Variants in SLCO1C1 observed in about 807,000 individuals in gnomAD.
SLCO1C1 encodes solute carrier organic anion transporter family member 1C1, also known as OAT-RP-5.
A neutral mutation model predicts 76.4 loss-of-function variants in SLCO1C1; 70 were observed. The observed-to-expected ratio is 0.92, with a 90% CI of 0.76 to 1.12. The LOEUF (loss-of-function observed/expected upper bound fraction) is 1.12. Among genes scored for constraint, SLCO1C1 ranks in the 50% most tolerant of loss-of-function variants. The pLI, the probability that SLCO1C1 is intolerant of heterozygous loss-of-function variation, is 0.00. For synonymous variants in SLCO1C1, 306 were observed against 286.1 expected (o/e 1.07, Z -0.70); for missense variants, 912 against 823.8 (o/e 1.11, Z -1.31).
intron 3 of SLCO1C1, among the ~76,000 whole-genome samples, chr12:20,704,704 A>ATT (rs1946692653): frequency 7.4e-6 from 1 of 135,500 alleles, no homozygotes; most frequent in Non-Finnish European, 1.6e-5. Flanking sequence ...GTGCGTGAAC[A>ATT]GTAGTAAATT....
chr12:20,738,842 C>T lies in SLCO1C1; in HGVS notation c.1549-1342C>T, dbSNP rs370737720. Among the ~76,000 whole-genome samples, 10 of 152,128 alleles carry T rather than the reference C, an allele frequency of 6.6e-5. No individual in the cohort carries two copies. The East Asian group carries it at 1.5e-3, about 24-fold the overall frequency. On this transcript the variant is annotated intron_variant, in intron 11 of 14. Coordinates refer to ENST00000266509, the MANE Select transcript of SLCO1C1 (RefSeq NM_017435.5). ...ATGTGAGAACTGAGGCACTGAGATA[C>T]AAAGGACTTGCTTAACTCATTTATC...
At position 20,723,266 on chromosome 12, in the gene SLCO1C1, T is replaced by G. The variant is rs758345791; in HGVS notation, c.1186+12T>G. 1 of 1,611,636 alleles carries G rather than the reference T, an allele frequency of 6.2e-7. No homozygotes were observed. The highest frequency in any genetic ancestry group is 8.5e-7 in the Non-Finnish European group (1 of 1,179,280). On this transcript the variant is annotated intron_variant, in intron 9 of 14. Transcript: ENST00000266509. ...CAACTTTGTGATCGGTATGCTCATC[T>G]GCCTTTCATGCTTTCTCAGAGGGAC...
chr12:20,738,706 C>T lies in SLCO1C1; in HGVS notation c.1548+1434C>T, dbSNP rs549825256. Among the ~76,000 whole-genome samples, 50 of 152,112 alleles carry T rather than the reference C, an allele frequency of 3.3e-4. 1 individual carries two copies. The highest frequency in any genetic ancestry group is 4.7e-4 in the Non-Finnish European group (32 of 68,010). On this transcript the variant is annotated intron_variant, in intron 11 of 14. Transcript: ENST00000266509. Reference sequence around the variant, plus strand: ...AAGGTTTTTTTGTAATGAGAGCTACCATTTATAAAAGACATTACAAGGAAA... The same window carrying T: ...AAGGTTTTTTTGTAATGAGAGCTACTATTTATAAAAGACATTACAAGGAAA...
rs1949261779 is a variant in SLCO1C1 at position 20,750,711 on chromosome 12, T to C, written c.1835T>C (p.Ile612Thr). Residue 612 changes from isoleucine to threonine, a missense_variant, in exon 14 of 15, where the codon ATT (isoleucine) becomes ACT (threonine). Ile to Thr is a moderately conservative substitution (Grantham distance 89, BLOSUM62 -1). Transcript: ENST00000266509. ...IPAPVYFGVL[I>T]DTSCLKWGFK... ...GCTCCAGTGTATTTTGGAGTTTTGA[T>C]TGATACTTCATGCCTCAAATGGGGA... 2 of 1,613,950 alleles carry C rather than the reference T, an allele frequency of 1.2e-6. No individual in the cohort carries two copies. Among genetic ancestry groups the C allele is most frequent in the African/African-American group, 1.3e-5 (1 of 74,926 alleles).
intron 10 of SLCO1C1, among the ~76,000 whole-genome samples, chr12:20,733,952 T>C (rs11612043): frequency 0.088 from 13,429 of 152,232 alleles, 764 homozygotes; most frequent in Non-Finnish European, 0.13. Flanking sequence ...CACCTATATA[T>C]GCATTATTTG....
At chr12:20,707,118 C>T (rs188474257) in intron 4 of SLCO1C1, among the ~76,000 whole-genome samples, 16 of 152,040 alleles carry the variant, frequency 1.1e-4, no homozygotes, top group African/African-American at 1.4e-4. Flanking sequence ...CTTTTCTGCC[C>T]ATTTGGATGA....
rs17852030 is a variant in SLCO1C1, at chr12:20,706,052, C to G, written c.375C>G (p.Leu125=). 3 of 1,612,882 alleles carry G rather than the reference C, an allele frequency of 1.9e-6. No individual in the cohort carries two copies. The highest frequency in any genetic ancestry group is 2.5e-6 in the Non-Finnish European group (3 of 1,179,308). The change falls in exon 4 of 15, where the codon CTC becomes CTG. Residue 125 remains leucine, a synonymous_variant. Transcript: ENST00000266509. The part of the protein sequence containing the change: ...GCVIMGVGTL[L]IAMPQFFMEQ... The stretch of plus-strand genomic sequence containing the variant: ...TAATCATGGGAGTTGGAACACTGCT[C>G]ATTGCAATGCCTCAGTTCTTCATGG...
chr12:20,735,677 T>C (rs1948503511), intron 10 of SLCO1C1, among the ~76,000 whole-genome samples: 1 of 152,182 alleles, frequency 6.6e-6, no homozygotes, highest in Non-Finnish European at 1.5e-5. Flanking sequence ...TTTGTACTTT[T>C]GAGGTGACAA....
chr12:20,724,560 A>G (rs1947867551), intron 9 of SLCO1C1, among the ~76,000 whole-genome samples: 1 of 147,834 alleles, frequency 6.8e-6, no homozygotes, highest in South Asian at 2.1e-4. Flanking sequence ...TTTTCCCCAA[A>G]GCTAATAACT....
chr12:20,732,241 G>A (rs1948312476), intron 9 of SLCO1C1, among the ~76,000 whole-genome samples: 1 of 152,210 alleles, frequency 6.6e-6, no homozygotes, highest in South Asian at 2.1e-4. Flanking sequence ...CATAGGACTT[G>A]ACATCAGTCT....
rs745848498 is a variant in SLCO1C1, at chr12:20,740,248, T to C, written c.1613T>C (p.Val538Ala). Residue 538 changes from valine (V) to alanine (A), a missense_variant, in exon 12 of 15, where the codon GTG becomes GCG. By Grantham distance (64) the Val-to-Ala change is moderately conservative (BLOSUM62 0). Transcript: ENST00000266509. ...ASKSGNSSGIVGRCQKDNGCP... is the reference protein window; with the variant it reads ...ASKSGNSSGIAGRCQKDNGCP... ...AAATCCGGAAATTCCTCAGGCATAGTGGGAAGATGTCAGAAAGACAATGGA... is the reference window on the plus strand; with the variant it reads ...AAATCCGGAAATTCCTCAGGCATAGCGGGAAGATGTCAGAAAGACAATGGA... The C allele has an allele frequency of 1.9e-6, 3 of 1,613,940 alleles. No homozygotes were observed. The highest frequency in any genetic ancestry group is 2.5e-6 in the Non-Finnish European group (3 of 1,179,936).
intron 7 of SLCO1C1, among the ~76,000 whole-genome samples, chr12:20,718,950 C>T (rs1212842417): frequency 1.3e-5 from 2 of 152,068 alleles, no homozygotes; most frequent in Non-Finnish European, 2.9e-5. Context: ...TACTTCATTG[C>T]ATTTTGCAGA....
chr12:20,721,603 A>T (rs1428090145), intron 7 of SLCO1C1, among the ~76,000 whole-genome samples: 3 of 152,096 alleles, frequency 2.0e-5, no homozygotes, highest in Non-Finnish European at 4.4e-5. Flanking sequence ...AATTCACTTC[A>T]TTGTGGTGGT....
At chr12:20,744,388 A>G (rs1399020992) in intron 13 of SLCO1C1, among the ~76,000 whole-genome samples, 2 of 152,130 alleles carry the variant, frequency 1.3e-5, no homozygotes, top group African/African-American at 4.8e-5. Context: ...ATCATAAGCA[A>G]AGTCAAATGG....
rs1484828366 is a variant in SLCO1C1, at chr12:20,712,033, C to A, written c.529+523C>A. Among the ~76,000 whole-genome samples the A allele has an allele frequency of 2.0e-5, 3 of 152,250 alleles. No individual in the cohort carries two copies. The East Asian group carries it at 5.8e-4, about 29-fold the overall frequency. The stretch of plus-strand genomic sequence containing the variant: ...GCTCTTGGTGTTATCAGTTCCCTGC[C>A]AGCTTACATATCTAAAACCCCCGTG... On this transcript the variant is annotated intron_variant, in intron 5 of 14. Transcript: ENST00000266509.
intron 9 of SLCO1C1, among the ~76,000 whole-genome samples, chr12:20,727,793 G>A (rs1235979782): frequency 6.6e-6 from 1 of 152,226 alleles, no homozygotes; most frequent in Non-Finnish European, 1.5e-5. Context: ...ACAGGCGTGA[G>A]CCACTGCGCC....
chr12:20,735,081 A>G (rs1948477225), intron 10 of SLCO1C1, among the ~76,000 whole-genome samples: 1 of 152,322 alleles, frequency 6.6e-6, no homozygotes, highest in Non-Finnish European at 1.5e-5. Context: ...ATGTATCCCA[A>G]TGATTCCTGC....
intron 3 of SLCO1C1, among the ~76,000 whole-genome samples, chr12:20,704,946 T>C (rs1342448780): frequency 6.6e-6 from 1 of 151,962 alleles, no homozygotes; most frequent in African/African-American, 2.4e-5. Flanking sequence ...CAAAGCATGT[T>C]CTAGGAATCA....
At chr12:20,726,624 A>G (rs558299838) in intron 9 of SLCO1C1, among the ~76,000 whole-genome samples, 2 of 152,290 alleles carry the variant, frequency 1.3e-5, no homozygotes, top group South Asian at 2.1e-4. Flanking sequence ...AATTTTAAAA[A>G]GATTTTTAAT....
Sources: allele counts gnomAD v4.1 joint callset (sites outside exome capture counted in the v4.1 genomes callset), GRCh38; gene constraint gnomAD v4.1.1; transcripts MANE v1.5; gene names NCBI Gene and HGNC (gene_info 2026-07-23, HGNC 2026-07-21).